The following SPECC1 variants were observed in gnomAD, a reference collection of about 807,000 sequenced individuals.
The protein encoded by SPECC1 is cytospin-B.
In SPECC1, 62 loss-of-function variants were observed where a neutral mutation model predicts 104.1. The observed-to-expected ratio is 0.60, with a 90% CI of 0.49 to 0.74. SPECC1 has a LOEUF of 0.74. SPECC1 is among the 30% of genes least tolerant of loss of function. The pLI, the probability that SPECC1 is intolerant of heterozygous loss-of-function variation, is 0.00. For missense variants in SPECC1, 1,306 were observed against 1,310.5 expected (o/e 1.00, Z 0.05); for synonymous variants, 513 against 501.6 (o/e 1.02, Z -0.30).
At chr17:20,109,040 T>TG (rs1165007396) in intron 2 of SPECC1, among the ~76,000 whole-genome samples, 11 of 152,356 alleles carry the variant, frequency 7.2e-5, no homozygotes. Context: ...TCACAGGGCA[T>TG]GAGTGTTCCA....
At chr17:20,168,875 T>G (rs2033870333) in intron 3 of SPECC1, among the ~76,000 whole-genome samples, 1 of 152,128 alleles carries the variant, frequency 6.6e-6, no homozygotes, top group Admixed American at 6.6e-5. Context: ...GATGGTATAT[T>G]TTATTTTATT....
intron 2 of SPECC1, among the ~76,000 whole-genome samples, chr17:20,098,966 C>T (rs1010464375): frequency 5.9e-5 from 9 of 152,138 alleles, no homozygotes; most frequent in Non-Finnish European, 1.0e-4. Flanking sequence ...TGTTTTCTGG[C>T]GGTCTGATGG....
At chr17:20,089,110 G>C (rs919521794) in intron 1 of SPECC1, among the ~76,000 whole-genome samples, 7 of 152,192 alleles carry the variant, frequency 4.6e-5, no homozygotes, top group South Asian at 2.1e-4. Context: ...GGTGTGTAAG[G>C]GGAGCAGTAG....
chr17:20,218,380 G>T (rs753573026), intron 4 of SPECC1, among the ~76,000 whole-genome samples: 6 of 151,988 alleles, frequency 3.9e-5, no homozygotes, highest in Non-Finnish European at 8.8e-5. Context: ...AAACCCTGGC[G>T]GTCTGGCTCC....
chr17:20,171,300 T>C (rs1391231770), intron 3 of SPECC1, among the ~76,000 whole-genome samples: 1 of 152,148 alleles, frequency 6.6e-6, no homozygotes, highest in African/African-American at 2.4e-5. Flanking sequence ...CCTGCACAAC[T>C]TCCCTGACAG....
Position 20,245,732 on chromosome 17 carries a change from C to T in SPECC1, c.2352-194C>T, listed in dbSNP as rs903763463. 8.5e-5 allele frequency among the ~76,000 whole-genome samples: 13 copies of T among 152,168 alleles called. 1 individual carries two copies. The highest frequency in any genetic ancestry group is 7.2e-4 in the Admixed American group (11 of 15,272). On this transcript the variant is annotated intron_variant, in intron 7 of 14. Transcript: ENST00000395527. ...CTGACCATTTCCCAAGAAAACAGCTCTTCTAAAAATTGAGAGCAATGCCTA... is the reference window on the plus strand; with the variant it reads ...CTGACCATTTCCCAAGAAAACAGCTTTTCTAAAAATTGAGAGCAATGCCTA...
chr17:20,097,843 G>T (rs534181922), intron 2 of SPECC1, among the ~76,000 whole-genome samples: 1 of 152,306 alleles, frequency 6.6e-6, no homozygotes, highest in Admixed American at 6.5e-5. Flanking sequence ...TGTGGGTCGT[G>T]GAGCAGTTCT....
At chr17:20,157,371 T>C (rs1597838923) in intron 3 of SPECC1, among the ~76,000 whole-genome samples, 2 of 152,162 alleles carry the variant, frequency 1.3e-5, no homozygotes, top group African/African-American at 2.4e-5. Flanking sequence ...AGGGGCCAGC[T>C]TACTGCCTAG....
rs374350355 is a variant in SPECC1, at chr17:20,057,056, T to C, written c.-21-39575T>C. Among the ~76,000 whole-genome samples, 142 of 152,284 alleles carry C rather than the reference T, an allele frequency of 9.3e-4. 6 individuals are homozygous for C. The South Asian group carries it at 0.028, about 30-fold the overall frequency. Reference sequence around the variant, plus strand: ...AATCTGGATATGCATTCAGATTAAATATGGATGTAGAGATTCTAGTGAAAT... The same window carrying C: ...AATCTGGATATGCATTCAGATTAAACATGGATGTAGAGATTCTAGTGAAAT... On this transcript the variant is annotated intron_variant, in intron 1 of 14. Transcript: ENST00000395527.
intron 4 of SPECC1, among the ~76,000 whole-genome samples, chr17:20,220,566 T>G (rs1453184136): frequency 2.0e-5 from 3 of 151,282 alleles, no homozygotes; most frequent in East Asian, 1.9e-4. Context: ...TAGTTTTTTT[T>G]TTTTTTTTTT....
rs555931183 is a variant in SPECC1, at chr17:20,317,220, G to T, written c.*3155G>T. 9 of 149,354 alleles carry T rather than the reference G, an allele frequency of 6.0e-5. No individual in the cohort carries two copies. The South Asian group carries it at 2.0e-3, about 34-fold the overall frequency. The allele number at this position is 149,354 out of a possible 1,614,324, so 9.3% of individuals were successfully genotyped here. A position where few individuals can be genotyped will look rare whatever the true frequency, so the allele number is the denominator to read the frequency against. On this transcript the variant is annotated 3_prime_UTR_variant, in exon 15 of 15. Coordinates refer to ENST00000395527, the MANE Select transcript of SPECC1 (RefSeq NM_001243439.2). ...GCTTGAGCCCAGGAGTTTGAGACCA[G>T]CCTGGGCAACATGGCAAGACCTCTG...
At chr17:20,024,687 C>T (rs1325026790) in intron 1 of SPECC1, among the ~76,000 whole-genome samples, 1 of 152,090 alleles carries the variant, frequency 6.6e-6, no homozygotes, top group Non-Finnish European at 1.5e-5. Flanking sequence ...AGGGTTTTTC[C>T]CCCTTGTTTT....
intron 1 of SPECC1, among the ~76,000 whole-genome samples, chr17:20,075,131 G>C (rs990231573): frequency 6.6e-6 from 1 of 152,182 alleles, no homozygotes; most frequent in Non-Finnish European, 1.5e-5. Flanking sequence ...TCAAACTCCT[G>C]ACCTTAGGCG....
intron 1 of SPECC1, among the ~76,000 whole-genome samples, chr17:20,065,213 A>C (rs1483412391): frequency 2.6e-5 from 4 of 152,182 alleles, no homozygotes; most frequent in Non-Finnish European, 2.9e-5. Flanking sequence ...TCTCTATAGA[A>C]GTAGTGGACA....
chr17:20,163,696 G>A (rs1013030576), intron 3 of SPECC1, among the ~76,000 whole-genome samples: 1 of 151,794 alleles, frequency 6.6e-6, no homozygotes, highest in Non-Finnish European at 1.5e-5. Flanking sequence ...GAGTAGCTAC[G>A]ACTACAGGAG....
chr17:20,298,918 C>A (rs1338607812), intron 13 of SPECC1, among the ~76,000 whole-genome samples: 6 of 66,442 alleles, frequency 9.0e-5, no homozygotes, highest in African/African-American at 2.2e-4. Flanking sequence ...AAAGCAGAAC[C>A]AAAAGAGAGA....
At chr17:20,040,527 C>A (rs1057214374) in intron 1 of SPECC1, among the ~76,000 whole-genome samples, 1 of 152,112 alleles carries the variant, frequency 6.6e-6, no homozygotes, top group African/African-American at 2.4e-5. Flanking sequence ...GCAACATATT[C>A]TCTTATTTTG....
chr17:20,292,572 C>T (rs1273365820), intron 12 of SPECC1, among the ~76,000 whole-genome samples: 9 of 152,074 alleles, frequency 5.9e-5, no homozygotes, highest in South Asian at 2.1e-4. Flanking sequence ...TCAGGTGATC[C>T]GCTCACCTCA....
At chr17:20,301,864 C>T (rs2041598068) in intron 13 of SPECC1, among the ~76,000 whole-genome samples, 1 of 152,114 alleles carries the variant, frequency 6.6e-6, no homozygotes, top group African/African-American at 2.4e-5. Flanking sequence ...CGGCACTACA[C>T]CTGGCTAGTT....
Sources: gnomAD v4.1 joint callset for allele counts (sites outside exome capture counted in the v4.1 genomes callset) on GRCh38, gnomAD v4.1.1 for gene constraint, MANE v1.5 for transcripts, NCBI Gene and HGNC (gene_info 2026-07-23, HGNC 2026-07-21) for gene names.